Variants in EPG5 observed in about 807,000 individuals in gnomAD.
EPG5 encodes ectopic P granules protein 5 homolog.
A neutral mutation model predicts 302.7 loss-of-function variants in EPG5; 159 were observed. The ratio of observed to expected loss-of-function variants is 0.53; its 90% CI spans 0.46 to 0.60. The LOEUF (loss-of-function observed/expected upper bound fraction) is 0.60, where lower values mean the gene tolerates loss of function less well. EPG5 is among the 20% of genes least tolerant of loss of function. The probability of loss-of-function intolerance (pLI) is 0.00; values close to 1 mark genes in which losing one functional copy is unlikely to be tolerated. For synonymous variants in EPG5, 1,158 were observed against 1,136.8 expected (o/e 1.02, Z -0.37); for missense variants, 2,896 against 3,092.4 (o/e 0.94, Z 1.51).
intron 14 of EPG5, among the ~76,000 whole-genome samples, chr18:45,923,650 C>T (rs2050204911): frequency 6.6e-6 from 1 of 152,162 alleles, no homozygotes; most frequent in Non-Finnish European, 1.5e-5. Flanking sequence ...AATGTCATCC[C>T]CCATTCCACC....
chr18:45,964,794 C>T (rs1261115480), intron 1 of EPG5, among the ~76,000 whole-genome samples: 1 of 152,136 alleles, frequency 6.6e-6, no homozygotes, highest in Non-Finnish European at 1.5e-5. Flanking sequence ...ATGGTGAAAC[C>T]TCATCTCCAC....
Position 45,879,085 on chromosome 18 carries a change from AGC to A in EPG5, c.5795_5796del (p.Gly1932ValfsTer8). 1 of 1,614,184 alleles carries A rather than the reference AGC, an allele frequency of 6.2e-7. No individual in the cohort carries two copies. The highest frequency in any genetic ancestry group is 8.5e-7 in the Non-Finnish European group (1 of 1,180,024). ...PYMADVKTFL[G>X]YLVKRLIDLE... ...AAGTCAATCAGCCTTTTCACAAGGT[AGC>A]CCAAGAATGTCTTCACATCAGCCAT... On this transcript the variant is annotated frameshift_variant, in exon 33 of 44. Transcript: ENST00000282041. LOFTEE classifies it high-confidence loss of function.
At position 45,850,988 on chromosome 18, in the gene EPG5, CA is replaced by C. The variant is rs2145136020; in HGVS notation, c.*1478del. ...GGCCTGTAAAACTCAAGAGACTAAA[CA>C]GGGATGTTCTTTATCAGAGCTGCAA... On this transcript the variant is annotated 3_prime_UTR_variant, in exon 44 of 44. Coordinates refer to ENST00000282041, the MANE Select transcript of EPG5 (RefSeq NM_020964.3). 6.6e-6 allele frequency: 1 copy of C among 152,354 alleles called. No individual in the cohort carries two copies. Among genetic ancestry groups the C allele is most frequent in the South Asian group, 2.1e-4 (1 of 4,832 alleles). The allele number at this position is 152,354 out of a possible 1,614,324, so 9.4% of individuals were successfully genotyped here.
intron 27 of EPG5, among the ~76,000 whole-genome samples, chr18:45,898,202 A>T (rs2049523962): frequency 6.6e-6 from 1 of 152,172 alleles, no homozygotes; most frequent in Admixed American, 6.5e-5. Context: ...TCTACTACAA[A>T]ACCCCATCTC....
intron 30 of EPG5, 96 bp from the exon 31 acceptor site, chr18:45,882,583 A>T (rs577118652): frequency 2.4e-6 from 2 of 840,698 alleles, no homozygotes; most frequent in Non-Finnish European, 3.6e-6. Flanking sequence ...AAAGCCAAAA[A>T]TTACCCAGCA....
chr18:45,946,232 A>T (rs2050782229), intron 7 of EPG5, among the ~76,000 whole-genome samples: 1 of 152,186 alleles, frequency 6.6e-6, no homozygotes, highest in African/African-American at 2.4e-5. Flanking sequence ...TTAAGGGAAA[A>T]CTTTGCTAAG....
At chr18:45,949,074 T>C (rs1019802553) in intron 5 of EPG5, among the ~76,000 whole-genome samples, 7 of 152,202 alleles carry the variant, frequency 4.6e-5, no homozygotes, top group Admixed American at 1.3e-4. Flanking sequence ...GTTGATCACA[T>C]AGACCTGAGA....
At chr18:45,863,980 G>T (rs2048687807) in intron 39 of EPG5, among the ~76,000 whole-genome samples, 1 of 152,090 alleles carries the variant, frequency 6.6e-6, no homozygotes, top group Admixed American at 6.5e-5. Flanking sequence ...TTTCAGCCTT[G>T]CTATCTCTTC....
At chr18:45,813,648 A>G in the EPG5 span, among the ~76,000 whole-genome samples, 1 of 152,108 alleles carries the variant, frequency 6.6e-6, no homozygotes, top group African/African-American at 2.4e-5. Flanking sequence ...CATCATTCTC[A>G]GCAAACTCTC....
the EPG5 span, chr18:45,836,897 A>T: frequency 1.6e-6 from 1 of 618,620 alleles, no homozygotes; most frequent in African/African-American, 1.8e-5. Context: ...GTGCACTAGA[A>T]TGCAGGCTGT....
chr18:45,891,121 T>C (rs1288036125), intron 27 of EPG5, among the ~76,000 whole-genome samples: 1 of 152,190 alleles, frequency 6.6e-6, no homozygotes, highest in Non-Finnish European at 1.5e-5. Flanking sequence ...TTATAAATAA[T>C]GTAAATAATT....
intron 38 of EPG5, 77 bp downstream of exon 38, chr18:45,866,721 G>A (rs895195841): frequency 3.5e-5 from 40 of 1,136,426 alleles, no homozygotes; most frequent in South Asian, 2.3e-4. Flanking sequence ...TCCTAGCTTC[G>A]ACTGTCCTTT....
At chr18:45,845,803 C>T (rs1241582026), downstream of EPG5, among the ~76,000 whole-genome samples, 2 of 152,222 alleles carry the variant, frequency 1.3e-5, no homozygotes, top group South Asian at 2.1e-4. Flanking sequence ...ACTTTGAAGA[C>T]AGCAGTGAGA....
Position 45,946,946 on chromosome 18 carries a change from G to T in EPG5, c.1572-178C>A, listed in dbSNP as rs1360167663. Among the ~76,000 whole-genome samples, 6 of 152,332 alleles carry T rather than the reference G, an allele frequency of 3.9e-5. No individual in the cohort carries two copies. The South Asian group carries it at 1.2e-3, about 32-fold the overall frequency. On this transcript the variant is annotated intron_variant, in intron 6 of 43. Coordinates refer to ENST00000282041, the MANE Select transcript of EPG5 (RefSeq NM_020964.3). ...ATAAAACTGCACTAATTTTGGTGGA[G>T]AATGCAACCATTCTGAATTAGTAAT...
At chr18:45,966,165 G>A (rs2051250816) in intron 1 of EPG5, among the ~76,000 whole-genome samples, 1 of 151,850 alleles carries the variant, frequency 6.6e-6, no homozygotes, top group African/African-American at 2.4e-5. Flanking sequence ...GAGGTCAGGA[G>A]ATCGAGACCA....
At chr18:45,917,932 A>T in intron 16 of EPG5, 113 bp from the exon 17 acceptor site, 1 of 1,014,824 alleles carries the variant, frequency 9.9e-7, no homozygotes, top group Non-Finnish European at 1.4e-6. Flanking sequence ...TCTCCAACAC[A>T]TGTTTTATAC....
At chr18:45,927,354 A>C (rs570810153) in intron 13 of EPG5, among the ~76,000 whole-genome samples, 2 of 152,100 alleles carry the variant, frequency 1.3e-5, no homozygotes, top group Non-Finnish European at 2.9e-5. Context: ...TGTTTTTCTT[A>C]AAAGGAAAAT....
At position 45,951,102 on chromosome 18, in the gene EPG5, C is replaced by T; in HGVS notation, c.1389G>A (p.Leu463=). 6.4e-7 allele frequency: 1 copy of T among 1,565,862 alleles called. No homozygotes were observed. The highest frequency in any genetic ancestry group is 8.6e-7 in the Non-Finnish European group (1 of 1,158,824). The change falls in exon 4 of 44, where the codon TTG becomes TTA. Residue 463 remains leucine (L), a splice_region_variant and synonymous_variant. Transcript: ENST00000282041. Reference sequence around the variant, plus strand: ...ACTGTGTCTATCTCTGTCCCCTTACCAATTTCTGCAGCCAGAGAAGAATAT... The same window carrying T: ...ACTGTGTCTATCTCTGTCCCCTTACTAATTTCTGCAGCCAGAGAAGAATAT... ...HDDILLWLQK[L]VSVLQRVGCP... is the part of the protein sequence containing the mutation.
At chr18:45,803,486 C>T in the EPG5 span, among the ~76,000 whole-genome samples, 2 of 152,200 alleles carry the variant, frequency 1.3e-5, no homozygotes, top group Admixed American at 6.5e-5. Flanking sequence ...TGATGGTCAG[C>T]TGCAGTCACT....
Sources: gnomAD v4.1 joint callset for allele counts (sites outside exome capture counted in the v4.1 genomes callset) on GRCh38, gnomAD v4.1.1 for gene constraint, MANE v1.5 for transcripts, NCBI Gene and HGNC (gene_info 2026-07-23, HGNC 2026-07-21) for gene names.